The following ADK variants were observed in gnomAD, a reference collection of about 807,000 sequenced individuals.
The protein encoded by ADK is N6,N6-dimethyladenosine kinase.
A neutral mutation model predicts 44.7 loss-of-function variants in ADK; 24 were observed. That is an observed-to-expected ratio of 0.54 (90% confidence interval 0.39 to 0.76). The LOEUF is 0.76. Ranked by LOEUF, ADK falls within the 30% of genes least tolerant of loss-of-function variation. ADK has a pLI of 0.00. For synonymous variants in ADK, 128 were observed against 142.6 expected, an observed-to-expected ratio of 0.90 and a Z score of 0.73; for missense variants, 321 against 425.1, an observed-to-expected ratio of 0.76 and a Z score of 2.15.
At chr10:74,237,181 C>G (rs1322135146) in intron 3 of ADK, among the ~76,000 whole-genome samples, 1 of 152,218 alleles carries the variant, frequency 6.6e-6, no homozygotes, top group African/African-American at 2.4e-5. Flanking sequence ...TCCTCTCAAA[C>G]CATGCTGTTA....
chr10:74,446,175 C>A (rs886912329), intron 6 of ADK, among the ~76,000 whole-genome samples: 1 of 151,996 alleles, frequency 6.6e-6, no homozygotes, highest in Non-Finnish European at 1.5e-5. Context: ...TATCTCTTTA[C>A]TTATTCTAAT....
At chr10:74,563,345 A>C (rs1850531272) in intron 7 of ADK, among the ~76,000 whole-genome samples, 2 of 151,918 alleles carry the variant, frequency 1.3e-5, no homozygotes, top group Non-Finnish European at 2.9e-5. Context: ...CACCCATCTT[A>C]CTCTCACTAA....
intron 8 of ADK, 25 bp downstream of exon 8, chr10:74,589,342 TA>T: frequency 6.2e-7 from 1 of 1,612,252 alleles, no homozygotes; most frequent in East Asian, 2.2e-5. Context: ...AATTGCACAC[TA>T]AACAGATCCT....
At chr10:74,398,623 A>G (rs1843604843) in intron 6 of ADK, 44 bp downstream of exon 6, 2 of 1,126,060 alleles carry the variant, frequency 1.8e-6, no homozygotes, top group East Asian at 2.4e-5. Flanking sequence ...TATTTACATG[A>G]TGGATTATAG....
chr10:74,485,031 A>T (rs1326074863), intron 6 of ADK, among the ~76,000 whole-genome samples: 2 of 152,198 alleles, frequency 1.3e-5, no homozygotes, highest in Non-Finnish European at 2.9e-5. Flanking sequence ...AAGACTAATA[A>T]GTTGTACCAC....
At chr10:74,191,970 T>C (rs2132120989) in intron 1 of ADK, among the ~76,000 whole-genome samples, 1 of 152,360 alleles carries the variant, frequency 6.6e-6, no homozygotes, top group Non-Finnish European at 1.5e-5. Flanking sequence ...CAACTACTGA[T>C]CTGATTTCCA....
At chr10:74,574,898 G>T (rs757249658) in intron 7 of ADK, among the ~76,000 whole-genome samples, 8 of 152,104 alleles carry the variant, frequency 5.3e-5, no homozygotes, top group Non-Finnish European at 1.2e-4. Context: ...TCATTCTAAT[G>T]CACATTTACT....
intron 9 of ADK, among the ~76,000 whole-genome samples, chr10:74,639,602 C>T (rs1056886176): frequency 2.0e-5 from 3 of 152,086 alleles, no homozygotes; most frequent in Admixed American, 6.6e-5. Context: ...TTTGGGAGGC[C>T]GAGGGGGGCA....
intron 6 of ADK, among the ~76,000 whole-genome samples, chr10:74,450,317 A>G (rs2133183425): frequency 6.6e-6 from 1 of 152,254 alleles, no homozygotes; most frequent in East Asian, 1.9e-4. Context: ...TTCTCAAATA[A>G]AAGAATCAAT....
chr10:74,396,755 A>G (rs998223549), intron 5 of ADK, among the ~76,000 whole-genome samples: 4 of 150,028 alleles, frequency 2.7e-5, no homozygotes, highest in Non-Finnish European at 5.9e-5. Context: ...GGAGTTTGAG[A>G]CCAGCCTGGC....
At chr10:74,647,794 A>G (rs1301289449) in intron 9 of ADK, among the ~76,000 whole-genome samples, 1 of 152,212 alleles carries the variant, frequency 6.6e-6, no homozygotes, top group Non-Finnish European at 1.5e-5. Context: ...ATTATAATGC[A>G]CATATAATTA....
intron 4 of ADK, among the ~76,000 whole-genome samples, chr10:74,317,805 C>T (rs1045869832): frequency 2.6e-5 from 4 of 151,988 alleles, no homozygotes; most frequent in South Asian, 2.1e-4. Context: ...TGTTTCAAGA[C>T]GGAGTCTCAC....
intron 1 of ADK, among the ~76,000 whole-genome samples, chr10:74,174,234 G>A (rs1051713887): frequency 6.7e-6 from 1 of 149,950 alleles, no homozygotes; most frequent in Non-Finnish European, 1.5e-5. Flanking sequence ...CTTGAACCCC[G>A]GGGATGGGGG....
chr10:74,609,685 C>T lies in ADK; in HGVS notation c.877+9192C>T, dbSNP rs112554393. ...GCAGACCGGAGCTGTTCCTATTCAG[C>T]CATCTTGCCAGCCACCCAAACCTAT... On this transcript the variant is annotated intron_variant, in intron 9 of 10. Coordinates refer to ENST00000539909, the MANE Select transcript of ADK (RefSeq NM_006721.4). Among the ~76,000 whole-genome samples, 962 of 152,234 alleles carry T rather than the reference C, an allele frequency of 6.3e-3. 19 individuals are homozygous for T. The highest frequency in any genetic ancestry group is 0.021 in the African/African-American group (892 of 41,560).
chr10:74,556,184 T>C (rs909012396), intron 7 of ADK, among the ~76,000 whole-genome samples: 6 of 152,232 alleles, frequency 3.9e-5, no homozygotes, highest in Non-Finnish European at 8.8e-5. Flanking sequence ...TGACAACTTA[T>C]ACATGTTTTA....
intron 3 of ADK, among the ~76,000 whole-genome samples, chr10:74,306,829 G>A (rs78673244): frequency 0.019 from 2,927 of 152,188 alleles, 73 homozygotes; most frequent in African/African-American, 0.057. Context: ...CCAGAATGAG[G>A]GTACCAAACT....
intron 3 of ADK, among the ~76,000 whole-genome samples, chr10:74,278,799 A>C (rs531267524): frequency 5.7e-4 from 87 of 152,340 alleles, no homozygotes; most frequent in Non-Finnish European, 1.1e-3. Context: ...TAGCCTCCTG[A>C]GTAGCTGGGA....
intron 10 of ADK, among the ~76,000 whole-genome samples, chr10:74,693,522 C>A (rs1217613161): frequency 6.6e-6 from 1 of 152,136 alleles, no homozygotes; most frequent in Non-Finnish European, 1.5e-5. Context: ...TCATTGCTAT[C>A]ACGTGATAGC....
Position 74,518,893 on chromosome 10 carries a change from T to G in ADK, c.556-6363T>G, listed in dbSNP as rs192479766. ...TACACACTATTTGTATGTCTTCTAT[T>G]TAATTGAATATTTATGTGCCATAAG... On this transcript the variant is annotated intron_variant, in intron 6 of 10. Transcript: ENST00000539909. Among the ~76,000 whole-genome samples, 640 of 152,186 alleles carry G rather than the reference T, an allele frequency of 4.2e-3. 3 individuals carry two copies. The highest frequency in any genetic ancestry group is 0.015 in the African/African-American group (603 of 41,574).
Sources: allele counts gnomAD v4.1 joint callset (sites outside exome capture counted in the v4.1 genomes callset), GRCh38; gene constraint gnomAD v4.1.1; transcripts MANE v1.5; gene names NCBI Gene and HGNC (gene_info 2026-07-23, HGNC 2026-07-21).